The following PCDHGB1 variants were observed in gnomAD, a reference collection of about 807,000 sequenced individuals.
PCDHGB1 encodes the protein protocadherin gamma-B1.
Under a neutral mutation model 56.6 loss-of-function variants are expected in PCDHGB1, and 34 were observed. The ratio of observed to expected loss-of-function variants is 0.60; its 90% CI spans 0.46 to 0.80. The LOEUF is 0.80. Among genes scored for constraint, PCDHGB1 ranks in the 30% least tolerant of loss-of-function variants. PCDHGB1 has a pLI of 0.00. For synonymous variants in PCDHGB1, 561 were observed against 505.9 expected (o/e 1.11, Z -1.46); for missense variants, 1,278 against 1,204.6 (o/e 1.06, Z -0.90).
chr5:141,430,380 T>TG (rs1376875091), intron 1 of PCDHGB1, among the ~76,000 whole-genome samples: 2 of 147,890 alleles, frequency 1.4e-5, no homozygotes, highest in African/African-American at 5.0e-5. Context: ...AAAAGCTCAT[T>TG]GGGAAAAAAA....
At chr5:141,403,565 G>A in intron 1 of PCDHGB1, 8 of 1,613,952 alleles carry the variant, frequency 5.0e-6, no homozygotes, top group Non-Finnish European at 6.8e-6. Context: ...CAGGGAGGAG[G>A]CAACTGCCCA....
chr5:141,407,123 C>T (rs1271155338), intron 1 of PCDHGB1, among the ~76,000 whole-genome samples: 2 of 152,078 alleles, frequency 1.3e-5, no homozygotes, highest in East Asian at 3.8e-4. Context: ...GTTTCAGTTG[C>T]TTTATTTTTA....
chr5:141,365,862 C>T (rs1424716310), intron 1 of PCDHGB1: 10 of 1,613,946 alleles, frequency 6.2e-6, no homozygotes, highest in African/African-American at 4.0e-5. Context: ...AACTCTGACA[C>T]CGGTGTCCTG....
chr5:141,420,840 T>A (rs2096528017), intron 1 of PCDHGB1, among the ~76,000 whole-genome samples: 1 of 152,250 alleles, frequency 6.6e-6, no homozygotes, highest in African/African-American at 2.4e-5. Flanking sequence ...TCGCAGGTGT[T>A]CTTGGTAAAG....
chr5:141,434,506 T>C (rs2154556236), intron 1 of PCDHGB1, among the ~76,000 whole-genome samples: 2 of 152,344 alleles, frequency 1.3e-5, no homozygotes, highest in East Asian at 3.9e-4. Context: ...GGCAGAAAAC[T>C]GCTTAAAGGT....
chr5:141,443,848 G>A lies in PCDHGB1; in HGVS notation c.2410-50959G>A, dbSNP rs528933391. 2.6e-5 allele frequency among the ~76,000 whole-genome samples: 4 copies of A among 152,272 alleles called. No individual in the cohort carries two copies. The South Asian group carries it at 8.3e-4, about 32-fold the overall frequency. ...TTAGGTAAAATGGGTAATATGGAAA[G>A]TCTGAAAACTGAAAAAATTACTGAT... On this transcript the variant is annotated intron_variant, in intron 1 of 3. Transcript: ENST00000523390.
chr5:141,368,426 C>T (rs998020099), intron 1 of PCDHGB1, among the ~76,000 whole-genome samples: 8 of 151,928 alleles, frequency 5.3e-5, no homozygotes, highest in African/African-American at 1.9e-4. Context: ...GACATTCTGA[C>T]CAAAATGTAA....
chr5:141,372,008 C>A (rs774155523), intron 1 of PCDHGB1: 3 of 1,613,290 alleles, frequency 1.9e-6, no homozygotes, highest in East Asian at 4.5e-5. Flanking sequence ...GCGACCAGGG[C>A]TCGCCTACGC....
chr5:141,387,924 CTGCCAG>C (rs145222727), intron 1 of PCDHGB1: 128,031 of 1,478,756 alleles, frequency 0.087, 6,358 homozygotes, highest in Non-Finnish European at 0.099. Context: ...GGCTGAGAGG[CTGCCAG>C]TGCTCTTTCT....
chr5:141,414,958 G>T, intron 1 of PCDHGB1: 2 of 1,614,024 alleles, frequency 1.2e-6, no homozygotes, highest in East Asian at 2.2e-5. Context: ...GGTGACCAAG[G>T]TGGTGGCGGT....
At position 141,381,826 on chromosome 5, in the gene PCDHGB1, CTTTTTTTT is replaced by C. The variant is rs770630741; in HGVS notation, c.2409+29172_2409+29179del. Among the ~76,000 whole-genome samples the C allele has an allele frequency of 3.5e-4, 26 of 74,290 alleles. 1 individual carries two copies. Among genetic ancestry groups the C allele is most frequent in the Admixed American group, 9.7e-4 (5 of 5,178 alleles). 48.7% of individuals were successfully genotyped at this position (74,290 alleles called of 152,430 possible). On this transcript the variant is annotated intron_variant, in intron 1 of 3. Transcript: ENST00000523390. Reference sequence around the variant, plus strand: ...TTTCTTTCTTTCTTTCTTTCTTCTTCTTTTTTTTTTTTTTTTTTTTTTGGCAGAGTTTT... The same window carrying C: ...TTTCTTTCTTTCTTTCTTTCTTCTTCTTTTTTTTTTTTTTGGCAGAGTTTT...
intron 1 of PCDHGB1, chr5:141,394,255 G>A (rs1321065161): frequency 6.2e-7 from 1 of 1,613,934 alleles, no homozygotes; most frequent in South Asian, 1.1e-5. Flanking sequence ...GACCCCGACA[G>A]CCAGGAGAAT....
chr5:141,413,485 G>C lies in PCDHGB1; in HGVS notation c.2409+60816G>C, dbSNP rs184712199. ...CCGGGAGGAGCTCTGCGCTCAGAGC[G>C]CGCGGTGCGTGGTGAGTTTTAATAT... is the stretch of plus-strand genomic sequence containing the variant. On this transcript the variant is annotated intron_variant, in intron 1 of 3. Coordinates refer to ENST00000523390, the MANE Select transcript of PCDHGB1 (RefSeq NM_018922.3). 439 of 1,614,058 alleles carry C rather than the reference G, an allele frequency of 2.7e-4. 1 individual carries two copies. In the African/African-American group the frequency reaches 4.6e-3, roughly 17 times the overall value.
intron 1 of PCDHGB1, chr5:141,372,960 G>T (rs1769206598): frequency 1.4e-6 from 1 of 709,456 alleles, no homozygotes; most frequent in Non-Finnish European, 2.2e-6. Context: ...ATTCTTTGTA[G>T]AATTTCCTGT....
chr5:141,369,075 T>C (rs1766014399), intron 1 of PCDHGB1, among the ~76,000 whole-genome samples: 1 of 152,154 alleles, frequency 6.6e-6, no homozygotes, highest in African/African-American at 2.4e-5. Context: ...ATAATTTCTT[T>C]AGGAAGATTT....
Position 141,350,785 on chromosome 5 carries a change from C to T in PCDHGB1, c.525C>T (p.Phe175=). The change falls in exon 1 of 4, where the codon TTC becomes TTT. Residue 175 remains phenylalanine, a synonymous_variant. Transcript: ENST00000523390. ...ACACCATCAACCCCAATCAATACTT[C>T]TCTCTGTCAACGAAGGAAAGTCCTG... is the stretch of plus-strand genomic sequence containing the variant. The part of the protein sequence containing the change: ...KLYTINPNQY[F]SLSTKESPDG... 6.2e-7 allele frequency: 1 copy of T among 1,613,294 alleles called. No homozygotes were observed. The highest frequency in any genetic ancestry group is 8.5e-7 in the Non-Finnish European group (1 of 1,179,758).
At chr5:141,439,531 G>A (rs1474855779) in intron 1 of PCDHGB1, among the ~76,000 whole-genome samples, 5 of 152,126 alleles carry the variant, frequency 3.3e-5, no homozygotes, top group Admixed American at 3.3e-4. Flanking sequence ...TCTACAGAAC[G>A]CTGTCCTCTC....
chr5:141,485,060 G>C lies in PCDHGB1; in HGVS notation c.2410-9747G>C. ...ACCCTTGCGGCGCCGGCCGAACCGCGCCAGAGCTGGCGCGGGGAAAGGGAG... is the reference window on the plus strand; with the variant it reads ...ACCCTTGCGGCGCCGGCCGAACCGCCCCAGAGCTGGCGCGGGGAAAGGGAG... On this transcript the variant is annotated intron_variant, in intron 1 of 3. Transcript: ENST00000523390. This position sits in a 1 kb window ranked among gnomAD's most constrained non-coding sequence, Gnocchi z 5.7. 1 of 862,304 alleles carries C rather than the reference G, an allele frequency of 1.2e-6. No individual in the cohort carries two copies. The highest frequency in any genetic ancestry group is 1.9e-6 in the Non-Finnish European group (1 of 540,422). 53.4% of individuals were successfully genotyped at this position (862,304 alleles called of 1,614,324 possible).
chr5:141,404,169 C>T (rs199556803), intron 1 of PCDHGB1: 118 of 1,612,734 alleles, frequency 7.3e-5, no homozygotes, highest in Non-Finnish European at 8.8e-5. Flanking sequence ...AGATTGTTGA[C>T]GGCCCAAATT....
Sources: gnomAD v4.1 joint callset for allele counts (sites outside exome capture counted in the v4.1 genomes callset) on GRCh38, gnomAD v4.1.1 for gene constraint, Gnocchi (gnomAD v3.1) non-coding constraint, MANE v1.5 for transcripts, NCBI Gene and HGNC (gene_info 2026-07-23, HGNC 2026-07-21) for gene names.